OTUD7A: variants seen among roughly 807,000 people sequenced by gnomAD.
OTUD7A encodes the protein OTU domain-containing protein 7A.
Under a neutral mutation model 65.7 loss-of-function variants are expected in OTUD7A, and 12 were observed. The ratio of observed to expected loss-of-function variants is 0.18; its 90% confidence interval spans 0.12 to 0.30. OTUD7A has a LOEUF of 0.30. OTUD7A is among the 10% of genes least tolerant of loss of function. OTUD7A has a pLI of 1.00. For synonymous variants in OTUD7A, 641 were observed against 586.3 expected, an observed-to-expected ratio of 1.09 and a Z score of -1.35; for missense variants, 1,148 against 1,304.8, an observed-to-expected ratio of 0.88 and a Z score of 1.85.
chr15:31,802,651 G>C (rs941659089), intron 1 of OTUD7A, among the ~76,000 whole-genome samples: 5 of 152,144 alleles, frequency 3.3e-5, no homozygotes, highest in African/African-American at 1.2e-4. Flanking sequence ...TTAAAATTCA[G>C]TGCTGCAATA....
chr15:31,738,849 C>G (rs767265709), intron 1 of OTUD7A, among the ~76,000 whole-genome samples: 3 of 152,196 alleles, frequency 2.0e-5, no homozygotes, highest in Non-Finnish European at 4.4e-5. Context: ...TACTCTTCAG[C>G]GGACGATTTT....
intron 1 of OTUD7A, among the ~76,000 whole-genome samples, chr15:31,755,123 T>G: frequency 6.9e-6 from 1 of 144,624 alleles, no homozygotes; most frequent in African/African-American, 2.6e-5. Flanking sequence ...AGGAGAGAGA[T>G]GAAGGGAAGG....
chr15:31,622,019 A>T (rs977435043), intron 3 of OTUD7A, among the ~76,000 whole-genome samples: 1 of 152,112 alleles, frequency 6.6e-6, no homozygotes, highest in African/African-American at 2.4e-5. Flanking sequence ...TCCTTCACTT[A>T]TGAAGCTTAG....
At chr15:31,558,000 G>A in intron 5 of OTUD7A, 1 of 152,366 alleles carries the variant, frequency 6.6e-6, no homozygotes, top group Non-Finnish European at 1.5e-5. Context: ...CTGGCTGAAG[G>A]CTGGGTCAGC....
rs531182074 is a variant in OTUD7A at position 31,727,469 on chromosome 15, A to G, written c.-99-70392T>C. Reference sequence around the variant, plus strand: ...ACCTTTAGTATTCAATAGGTATTTTAGAATTATTTTGTCAAATTCCACAAA... The same window carrying G: ...ACCTTTAGTATTCAATAGGTATTTTGGAATTATTTTGTCAAATTCCACAAA... On this transcript the variant is annotated intron_variant, in intron 1 of 12. Transcript: ENST00000307050. Among the ~76,000 whole-genome samples the G allele has an allele frequency of 2.6e-5, 4 of 152,254 alleles. No individual in the cohort carries two copies. The South Asian group carries it at 8.3e-4, about 32-fold the overall frequency.
chr15:31,683,696 G>A (rs1292833417), intron 1 of OTUD7A, among the ~76,000 whole-genome samples: 1 of 152,038 alleles, frequency 6.6e-6, no homozygotes, highest in Non-Finnish European at 1.5e-5. Context: ...TATGATTATT[G>A]TGGCCATTAT....
intron 3 of OTUD7A, among the ~76,000 whole-genome samples, chr15:31,574,180 T>C (rs1889135756): frequency 6.6e-6 from 1 of 152,200 alleles, no homozygotes; most frequent in African/African-American, 2.4e-5. Flanking sequence ...CATAATTGTA[T>C]TGTTATACTA....
intron 1 of OTUD7A, among the ~76,000 whole-genome samples, chr15:31,701,480 T>C (rs1710032239): frequency 1.3e-5 from 2 of 152,076 alleles, no homozygotes; most frequent in Admixed American, 6.5e-5. Context: ...AAAAGGAATA[T>C]TGGCCCTGGA....
chr15:31,610,617 A>ATATATATATATATATTTTTTTTTTT, intron 3 of OTUD7A, among the ~76,000 whole-genome samples: 1 of 30,560 alleles, frequency 3.3e-5, no homozygotes, highest in Admixed American at 6.7e-4. Flanking sequence ...ATATATATAT[A>ATATATATATATATATTTTTTTTTTT]TTTTTTTTTT....
intron 1 of OTUD7A, among the ~76,000 whole-genome samples, chr15:31,741,161 A>C (rs147333704): frequency 6.6e-6 from 1 of 152,342 alleles, no homozygotes; most frequent in African/African-American, 2.4e-5. Context: ...AAGTTTTCTG[A>C]CCATACTACA....
chr15:31,609,763 C>T (rs28451753), intron 3 of OTUD7A, among the ~76,000 whole-genome samples: 35,871 of 152,066 alleles, frequency 0.24, 5,322 homozygotes, highest in East Asian at 0.65. Context: ...GGAGGCCAAC[C>T]GGCACAAAAA....
At chr15:31,588,177 G>A (rs1889605906) in intron 3 of OTUD7A, among the ~76,000 whole-genome samples, 1 of 152,134 alleles carries the variant, frequency 6.6e-6, no homozygotes, top group South Asian at 2.1e-4. Context: ...TTCAAACAAT[G>A]GAATGCTATG....
At chr15:31,617,578 G>C (rs1318296966) in intron 3 of OTUD7A, among the ~76,000 whole-genome samples, 1 of 152,120 alleles carries the variant, frequency 6.6e-6, no homozygotes, top group Non-Finnish European at 1.5e-5. Flanking sequence ...AGATACACAG[G>C]AATATATACT....
At chr15:31,562,444 G>A (rs1888721864) in intron 4 of OTUD7A, among the ~76,000 whole-genome samples, 1 of 152,170 alleles carries the variant, frequency 6.6e-6, no homozygotes, top group African/African-American at 2.4e-5. Flanking sequence ...AGCTGGGGTA[G>A]GGGGCTGCTC....
rs143819786 is a variant in OTUD7A at position 31,635,218 on chromosome 15, T to C, written c.151+19878A>G. Among the ~76,000 whole-genome samples, 5 of 152,276 alleles carry C rather than the reference T, an allele frequency of 3.3e-5. No homozygotes were observed. The East Asian group carries it at 7.7e-4, about 24-fold the overall frequency. On this transcript the variant is annotated intron_variant, in intron 3 of 12. Transcript: ENST00000307050. The stretch of plus-strand genomic sequence containing the variant: ...CTTCCCTATCTAGAAAGACTCTCCT[T>C]TGTTTTGACCCCAAGTAGCCCCCAT...
In OTUD7A at chr15:31,802,141, G is replaced by GTGTA. The variant is rs553698632; in HGVS notation, c.-100+68365_-100+68366insTACA. Among the ~76,000 whole-genome samples the GTGTA allele has an allele frequency of 2.0e-3, 281 of 142,562 alleles. 2 individuals are homozygous for GTGTA. Among genetic ancestry groups the GTGTA allele is most frequent in the South Asian group, 6.3e-3 (27 of 4,288 alleles). The allele number at this position is 142,562 out of a possible 152,430, so 93.5% of individuals were successfully genotyped here. On this transcript the variant is annotated intron_variant, in intron 1 of 12. Coordinates refer to ENST00000307050, the MANE Select transcript of OTUD7A (RefSeq NM_001382637.1). ...TGTGTGTGTGTGTGTGTGTGTGTGT[G>GTGTA]TATATATATATATGTAAAGGGGAGT...
chr15:31,491,108 A>G (rs1002722481), intron 10 of OTUD7A, among the ~76,000 whole-genome samples: 95 of 151,368 alleles, frequency 6.3e-4, no homozygotes, highest in African/African-American at 2.3e-3. Flanking sequence ...ACAACAAAAA[A>G]CCTATGAGGC....
chr15:31,637,649 T>C (rs1329866652), intron 3 of OTUD7A, among the ~76,000 whole-genome samples: 5 of 152,238 alleles, frequency 3.3e-5, no homozygotes. Flanking sequence ...CTGGAAAGGA[T>C]TCACAACTCT....
intron 9 of OTUD7A, among the ~76,000 whole-genome samples, chr15:31,502,813 C>T (rs932881074): frequency 1.3e-5 from 2 of 152,238 alleles, no homozygotes; most frequent in Non-Finnish European, 2.9e-5. Context: ...CGTCCCTGAG[C>T]CACACAGGGA....
Sources: gnomAD v4.1 joint callset for allele counts (sites outside exome capture counted in the v4.1 genomes callset) on GRCh38, gnomAD v4.1.1 for gene constraint, MANE v1.5 for transcripts, NCBI Gene and HGNC (gene_info 2026-07-23, HGNC 2026-07-21) for gene names.